The following RAD51B variants were observed in gnomAD, a reference collection of about 807,000 sequenced individuals.
RAD51B encodes RAD51 paralog B.
In RAD51B, 38 loss-of-function variants were observed where a neutral mutation model predicts 42.2. The ratio of observed to expected loss-of-function variants is 0.90; its 90% CI spans 0.70 to 1.18. RAD51B has a LOEUF of 1.18. Ranked by LOEUF, RAD51B falls within the 50% of genes most tolerant of loss-of-function variation. The pLI is 0.00. For missense variants in RAD51B, 373 were observed against 400.7 expected, an observed-to-expected ratio of 0.93 and a Z score of 0.59; for synonymous variants, 154 against 145.2, an observed-to-expected ratio of 1.06 and a Z score of -0.43.
chr14:68,409,822 G>A (rs1021130080), intron 8 of RAD51B, among the ~76,000 whole-genome samples: 11 of 152,198 alleles, frequency 7.2e-5, no homozygotes, highest in Admixed American at 2.0e-4. Context: ...TGATCAGATC[G>A]GAACAATCTA....
At chr14:67,875,135 T>C (rs943553361) in intron 5 of RAD51B, among the ~76,000 whole-genome samples, 1 of 152,012 alleles carries the variant, frequency 6.6e-6, no homozygotes, top group Non-Finnish European at 1.5e-5. Flanking sequence ...TTTTAGGAGG[T>C]AGAAGTGGAT....
intron 7 of RAD51B, among the ~76,000 whole-genome samples, chr14:67,915,708 A>T (rs966176651): frequency 6.6e-6 from 1 of 152,220 alleles, no homozygotes; most frequent in South Asian, 2.1e-4. Context: ...ATAAGATTGT[A>T]TATCAAATTA....
chr14:68,392,312 C>T (rs2083780295), intron 8 of RAD51B, among the ~76,000 whole-genome samples: 1 of 152,178 alleles, frequency 6.6e-6, no homozygotes, highest in African/African-American at 2.4e-5. Flanking sequence ...TCTTCTTATG[C>T]TTCGGAAGGC....
intron 11 of RAD51B, among the ~76,000 whole-genome samples, chr14:68,654,941 T>TCC (rs925826674): frequency 6.6e-6 from 1 of 151,604 alleles, no homozygotes; most frequent in Non-Finnish European, 1.5e-5. Context: ...TCCAGCTCCC[T>TCC]CCCCCCCTGC....
intron 7 of RAD51B, among the ~76,000 whole-genome samples, chr14:68,053,199 T>A (rs1204960345): frequency 6.6e-6 from 1 of 152,220 alleles, no homozygotes; most frequent in African/African-American, 2.4e-5. Flanking sequence ...GGGAAGCTTT[T>A]ATTTTAGACA....
At chr14:68,175,677 A>C (rs931812407) in intron 7 of RAD51B, among the ~76,000 whole-genome samples, 1 of 152,200 alleles carries the variant, frequency 6.6e-6, no homozygotes, top group African/African-American at 2.4e-5. Context: ...CGTTTAACTT[A>C]CAGGTGTCTG....
chr14:68,282,229 T>C (rs150031921), intron 7 of RAD51B, among the ~76,000 whole-genome samples: 1,542 of 152,252 alleles, frequency 0.01, 29 homozygotes, highest in East Asian at 0.056. Flanking sequence ...GTGGTCCACC[T>C]GCCTCGGCCT....
chr14:68,116,857 G>A (rs549101089), intron 7 of RAD51B, among the ~76,000 whole-genome samples: 2 of 148,838 alleles, frequency 1.3e-5, no homozygotes, highest in African/African-American at 2.5e-5. Flanking sequence ...AATCTCAAAT[G>A]TAGAGTTTTA....
At chr14:68,126,315 T>G (rs1595436911) in intron 7 of RAD51B, among the ~76,000 whole-genome samples, 1 of 152,344 alleles carries the variant, frequency 6.6e-6, no homozygotes, top group East Asian at 1.9e-4. Context: ...CATGCTCTTG[T>G]TCTGGGGGAG....
intron 9 of RAD51B, among the ~76,000 whole-genome samples, chr14:68,418,356 C>T (rs1187360299): frequency 6.6e-6 from 1 of 152,224 alleles, no homozygotes; most frequent in Non-Finnish European, 1.5e-5. Context: ...GGACAAATGA[C>T]TGGTCCTCTT....
At chr14:68,632,485 A>T (rs537257092) in intron 10 of RAD51B, among the ~76,000 whole-genome samples, 2 of 152,344 alleles carry the variant, frequency 1.3e-5, no homozygotes, top group African/African-American at 4.8e-5. Flanking sequence ...AGACGGGGAC[A>T]TCCCTCACAA....
chr14:68,572,989 C>T (rs1889785852), intron 10 of RAD51B, among the ~76,000 whole-genome samples: 1 of 152,130 alleles, frequency 6.6e-6, no homozygotes, highest in African/African-American at 2.4e-5. Flanking sequence ...AAGGGTGCCA[C>T]AGGTCATATG....
At chr14:67,827,692 A>G (rs1220573432) in intron 3 of RAD51B, among the ~76,000 whole-genome samples, 1 of 152,126 alleles carries the variant, frequency 6.6e-6, no homozygotes, top group Non-Finnish European at 1.5e-5. Flanking sequence ...CCATGTGTCC[A>G]TGTGTTCTCA....
intron 5 of RAD51B, among the ~76,000 whole-genome samples, chr14:67,866,752 A>T (rs137877946): frequency 6.8e-4 from 104 of 152,264 alleles, no homozygotes; most frequent in African/African-American, 2.1e-3. Flanking sequence ...GGAGAGTCTT[A>T]TGTTTTTTGT....
intron 4 of RAD51B, among the ~76,000 whole-genome samples, chr14:67,841,968 T>C (rs1189986850): frequency 6.6e-6 from 1 of 152,228 alleles, no homozygotes; most frequent in African/African-American, 2.4e-5. Flanking sequence ...AATCTGTACA[T>C]TGCTTTGGGA....
rs113055894 is a variant in RAD51B, at chr14:68,323,817, A to T, written c.853+31837A>T. On this transcript the variant is annotated intron_variant, in intron 8 of 10. Coordinates refer to ENST00000471583, the MANE Select transcript of RAD51B (RefSeq NM_133510.4). ...GGGAAGCCCAGCCCTGCATCAGAGA[A>T]AGTGATGCACTGATGCTTCACACAC... Among the ~76,000 whole-genome samples, 104 of 152,308 alleles carry T rather than the reference A, an allele frequency of 6.8e-4. 1 individual carries two copies. The highest frequency in any genetic ancestry group is 2.5e-3 in the African/African-American group (102 of 41,562).
intron 8 of RAD51B, among the ~76,000 whole-genome samples, chr14:68,312,070 C>G (rs899076478): frequency 4.6e-5 from 7 of 152,058 alleles, no homozygotes; most frequent in Non-Finnish European, 1.0e-4. Context: ...CCACAAAGGC[C>G]CAAGTCCGTA....
intron 10 of RAD51B, among the ~76,000 whole-genome samples, chr14:68,605,731 C>T (rs1275458259): frequency 1.3e-5 from 2 of 152,216 alleles, no homozygotes; most frequent in Non-Finnish European, 2.9e-5. Context: ...AGGTCACGTT[C>T]TGAGGCTCTG....
intron 7 of RAD51B, among the ~76,000 whole-genome samples, chr14:68,212,234 G>C (rs148580105): frequency 6.6e-6 from 1 of 152,310 alleles, no homozygotes; most frequent in African/African-American, 2.4e-5. Flanking sequence ...CACTTGGTTG[G>C]AAGTTTGGCT....
Sources: allele counts gnomAD v4.1 joint callset (sites outside exome capture counted in the v4.1 genomes callset), GRCh38; gene constraint gnomAD v4.1.1; transcripts MANE v1.5; gene names NCBI Gene and HGNC (gene_info 2026-07-23, HGNC 2026-07-21).